The following LINGO2 variants were observed in gnomAD, a reference collection of about 807,000 sequenced individuals.
LINGO2 encodes the protein leucine-rich repeat and immunoglobulin-like domain-containing nogo receptor-interacting protein 2.
A neutral mutation model predicts 30.6 loss-of-function variants in LINGO2; 14 were observed. That is an observed-to-expected ratio of 0.46 (90% confidence interval 0.30 to 0.72). LINGO2 has a LOEUF of 0.72. Ranked by LOEUF, LINGO2 falls within the 30% of genes least tolerant of loss-of-function variation. The pLI, the probability that LINGO2 is intolerant of heterozygous loss-of-function variation, is 0.07. For synonymous variants in LINGO2, 317 were observed against 288.5 expected (o/e 1.10, Z -1.00); for missense variants, 729 against 751.7 (o/e 0.97, Z 0.35).
In LINGO2 at chr9:28,403,698, G is replaced by C. The variant is rs192274562; in HGVS notation, c.-278-30830C>G. Among the ~76,000 whole-genome samples, 6 of 145,906 alleles carry C rather than the reference G, an allele frequency of 4.1e-5. No homozygotes were observed. The Admixed American group carries it at 4.1e-4, about 10-fold the overall frequency. ...AGGATGACCTCAACTTTTCCTGGAC[G>C]CCCAGAATAATATGCATGAAACTTT... On this transcript the variant is annotated intron_variant, in intron 2 of 5. Coordinates refer to ENST00000379992, the Ensembl canonical transcript of LINGO2.
chr9:27,958,860 T>G (rs755145653), intron 5 of LINGO2, among the ~76,000 whole-genome samples: 5 of 152,156 alleles, frequency 3.3e-5, no homozygotes, highest in Non-Finnish European at 7.4e-5. Flanking sequence ...TTGTATAGAA[T>G]TTTTATTATT....
At chr9:28,668,922 T>A (rs535971471) in intron 1 of LINGO2, among the ~76,000 whole-genome samples, 5 of 152,146 alleles carry the variant, frequency 3.3e-5, no homozygotes, top group African/African-American at 9.6e-5. Context: ...TCATCCAAGT[T>A]CACATAATGG....
At chr9:28,509,739 C>T (rs1033123370) in intron 1 of LINGO2, among the ~76,000 whole-genome samples, 1 of 152,136 alleles carries the variant, frequency 6.6e-6, no homozygotes, top group Non-Finnish European at 1.5e-5. Flanking sequence ...CAGGAAGCAA[C>T]CTGATGGCAC....
intron 1 of LINGO2, among the ~76,000 whole-genome samples, chr9:28,583,841 T>C (rs1354221747): frequency 6.6e-6 from 1 of 152,070 alleles, no homozygotes; most frequent in Non-Finnish European, 1.5e-5. Flanking sequence ...AATGCAGCAG[T>C]ATCAAAAGTT....
intron 5 of LINGO2, among the ~76,000 whole-genome samples, chr9:28,004,823 T>C (rs1455830602): frequency 6.6e-6 from 1 of 152,078 alleles, no homozygotes; most frequent in Admixed American, 6.6e-5. Flanking sequence ...TGGGTAGAGA[T>C]AGAAATGTTG....
intron 4 of LINGO2, among the ~76,000 whole-genome samples, chr9:28,055,301 G>A (rs149569858): frequency 1.2e-3 from 176 of 152,146 alleles, no homozygotes; most frequent in African/African-American, 3.7e-3. Flanking sequence ...TGTTTTAAAT[G>A]GCTTAGTAAT....
At chr9:29,022,891 T>G in the LINGO2 span, among the ~76,000 whole-genome samples, 1 of 151,884 alleles carries the variant, frequency 6.6e-6, no homozygotes, top group East Asian at 1.9e-4. Context: ...GCATGTTATC[T>G]GGTATTTGGT....
At chr9:28,634,488 T>TTTTC (rs1554648333) in intron 1 of LINGO2, among the ~76,000 whole-genome samples, 15 of 140,586 alleles carry the variant, frequency 1.1e-4, no homozygotes, top group South Asian at 4.5e-4. Context: ...TTTTTTTCTT[T>TTTTC]TTTTTTTTTT....
chr9:28,340,476 T>G (rs992799712), intron 3 of LINGO2, among the ~76,000 whole-genome samples: 1 of 152,120 alleles, frequency 6.6e-6, no homozygotes, highest in Non-Finnish European at 1.5e-5. Context: ...GAAGACAGAA[T>G]AGTAATATTC....
chr9:28,646,633 A>G (rs1026655331), intron 1 of LINGO2, among the ~76,000 whole-genome samples: 3 of 152,076 alleles, frequency 2.0e-5, no homozygotes, highest in Non-Finnish European at 2.9e-5. Flanking sequence ...TCAAGCATCC[A>G]ACACTGTTGA....
intron 2 of LINGO2, among the ~76,000 whole-genome samples, chr9:28,441,360 T>C (rs2135018085): frequency 7.1e-6 from 1 of 140,286 alleles, no homozygotes; most frequent in South Asian, 2.4e-4. Flanking sequence ...ACAGAAGCTC[T>C]TTGTATAAAG....
intron 1 of LINGO2, among the ~76,000 whole-genome samples, chr9:28,481,107 C>T (rs1825946857): frequency 6.6e-6 from 1 of 152,068 alleles, no homozygotes; most frequent in Non-Finnish European, 1.5e-5. Context: ...CCATTTCTAA[C>T]TCCAAAGCCT....
chr9:29,097,458 T>C, the LINGO2 span, among the ~76,000 whole-genome samples: 33 of 138,634 alleles, frequency 2.4e-4, 3 homozygotes, highest in South Asian at 7.5e-3. Context: ...AAGTAAATTT[T>C]AAAATACTGT....
At chr9:29,123,688 T>A in the LINGO2 span, among the ~76,000 whole-genome samples, 1 of 152,108 alleles carries the variant, frequency 6.6e-6, no homozygotes, top group Non-Finnish European at 1.5e-5. Context: ...AATATCTTAT[T>A]ATTTCATATT....
intron 4 of LINGO2, among the ~76,000 whole-genome samples, chr9:28,161,313 G>T (rs908992132): frequency 6.6e-6 from 1 of 152,074 alleles, no homozygotes; most frequent in Non-Finnish European, 1.5e-5. Context: ...ATAATGCCAA[G>T]AATATAATTA....
At chr9:28,919,879 T>C in the LINGO2 span, among the ~76,000 whole-genome samples, 5 of 152,210 alleles carry the variant, frequency 3.3e-5, no homozygotes, top group African/African-American at 9.6e-5. Context: ...ATATTTTACA[T>C]TGGTATAATC....
At position 28,652,360 on chromosome 9, in the gene LINGO2, C is replaced by G. The variant is rs75011309; in HGVS notation, c.-365+17840G>C. ...ACTTTCCAAAAGTTTAAAAATCTTA[C>G]CAAAAAGAAGCTTGATACTGCTTAA... On this transcript the variant is annotated intron_variant, in intron 1 of 5. Coordinates refer to ENST00000379992, the Ensembl canonical transcript of LINGO2. 8.3e-3 allele frequency among the ~76,000 whole-genome samples: 1,270 copies of G among 152,126 alleles called. 28 individuals are homozygous for G. The highest frequency in any genetic ancestry group is 0.035 in the Admixed American group (538 of 15,270).
At chr9:28,905,302 A>G in the LINGO2 span, among the ~76,000 whole-genome samples, 1 of 151,216 alleles carries the variant, frequency 6.6e-6, no homozygotes, top group African/African-American at 2.4e-5. Context: ...AAACTGAATT[A>G]CATTAAACTA....
chr9:28,702,809 A>T, the LINGO2 span, among the ~76,000 whole-genome samples: 1 of 151,856 alleles, frequency 6.6e-6, no homozygotes, highest in Admixed American at 6.6e-5. Flanking sequence ...ATGCAATTTC[A>T]TATATATAGG....
Sources: gnomAD v4.1 joint callset for allele counts (sites outside exome capture counted in the v4.1 genomes callset) on GRCh38, gnomAD v4.1.1 for gene constraint, MANE v1.5 for transcripts, NCBI Gene and HGNC (gene_info 2026-07-23, HGNC 2026-07-21) for gene names.